Variants in PSMD12 observed in about 807,000 individuals in gnomAD.
The protein encoded by PSMD12 is 26S proteasome non-ATPase regulatory subunit 12.
PSMD12 carries 8 observed loss-of-function variants against 62.9 expected under a neutral mutation model. That is an observed-to-expected ratio of 0.13 (90% confidence interval 0.07 to 0.23). The LOEUF (loss-of-function observed/expected upper bound fraction) is 0.23. Ranked by LOEUF, PSMD12 falls within the 10% of genes least tolerant of loss-of-function variation. The pLI, the probability that PSMD12 is intolerant of heterozygous loss-of-function variation, is 1.00. For synonymous variants in PSMD12, 173 were observed against 187.4 expected, an observed-to-expected ratio of 0.92 and a Z score of 0.63; for missense variants, 424 against 550.2, an observed-to-expected ratio of 0.77 and a Z score of 2.29.
chr17:67,347,313 C>A, intron 6 of PSMD12, 23 bp downstream of exon 6: 1 of 1,611,834 alleles, frequency 6.2e-7, no homozygotes, highest in Non-Finnish European at 8.5e-7. Context: ...TTAAAGTAAA[C>A]ATGTGGTCAC....
intron 3 of PSMD12, among the ~76,000 whole-genome samples, chr17:67,351,540 AATGT>A (rs2042017989): frequency 6.6e-6 from 1 of 151,968 alleles, no homozygotes; most frequent in Non-Finnish European, 1.5e-5. Context: ...AAAAACATTT[AATGT>A]TTAAGCAGCT....
At chr17:67,354,967 G>C (rs905274931) in intron 3 of PSMD12, among the ~76,000 whole-genome samples, 1 of 152,110 alleles carries the variant, frequency 6.6e-6, no homozygotes, top group Non-Finnish European at 1.5e-5. Flanking sequence ...TCCAGCCTGG[G>C]GGACAGAGCA....
chr17:67,345,064 C>T (rs1216243795), intron 8 of PSMD12, among the ~76,000 whole-genome samples: 2 of 152,072 alleles, frequency 1.3e-5, no homozygotes, highest in Non-Finnish European at 2.9e-5. Context: ...GAAATAAGAG[C>T]CTGTTGTGTT....
intron 8 of PSMD12, among the ~76,000 whole-genome samples, chr17:67,345,146 A>C (rs1398202677): frequency 6.6e-6 from 1 of 152,236 alleles, no homozygotes; most frequent in Non-Finnish European, 1.5e-5. Context: ...CAAAGCTCTA[A>C]ACTACTAATG....
chr17:67,354,645 T>C (rs1655815271), intron 3 of PSMD12, among the ~76,000 whole-genome samples: 1 of 152,154 alleles, frequency 6.6e-6, no homozygotes, highest in South Asian at 2.1e-4. Context: ...CGATGGTTTG[T>C]CTAATAATTG....
intron 1 of PSMD12, among the ~76,000 whole-genome samples, chr17:67,358,990 AG>A (rs2042104969): frequency 6.6e-6 from 1 of 152,246 alleles, no homozygotes; most frequent in African/African-American, 2.4e-5. Context: ...ATAATACACC[AG>A]GAGTAAAACA....
Position 67,339,250 on chromosome 17 carries a change from G to A in PSMD12, c.*1593C>T, listed in dbSNP as rs933528451. On this transcript the variant is annotated 3_prime_UTR_variant, in exon 11 of 11. Coordinates refer to ENST00000356126, the MANE Select transcript of PSMD12 (RefSeq NM_002816.5). Reference sequence around the variant, plus strand: ...AGCCTCCCAAGTAACTGGGACTACAGGCACACGCCACCACGCCCGGCAAAT... The same window carrying A: ...AGCCTCCCAAGTAACTGGGACTACAAGCACACGCCACCACGCCCGGCAAAT... 5.3e-5 allele frequency: 8 copies of A among 151,776 alleles called. No individual in the cohort carries two copies. Among genetic ancestry groups the A allele is most frequent in the African/African-American group, 1.2e-4 (5 of 41,268 alleles). The allele number at this position is 151,776 out of a possible 1,614,324, so 9.4% of individuals were successfully genotyped here. A position where few individuals can be genotyped will look rare whatever the true frequency, so the allele number is the denominator to read the frequency against.
chr17:67,366,075 G>A (rs1458606344), intron 1 of PSMD12, among the ~76,000 whole-genome samples: 1 of 152,186 alleles, frequency 6.6e-6, no homozygotes, highest in Admixed American at 6.5e-5. Context: ...CTCTGATCTA[G>A]CCTTAATACT....
In PSMD12 at chr17:67,352,411, A is replaced by G. The variant is rs374515627; in HGVS notation, c.298-2075T>C. ...CTATTTAGAGACCCAGGCATTCTGG[A>G]AAGCTATGGTTTTATTGTAAACTAT... is the stretch of plus-strand genomic sequence containing the variant. On this transcript the variant is annotated intron_variant, in intron 3 of 10. Transcript: ENST00000356126. 5.9e-5 allele frequency among the ~76,000 whole-genome samples: 9 copies of G among 152,332 alleles called. No individual in the cohort carries two copies. In the East Asian group the frequency reaches 1.7e-3, roughly 29 times the overall value.
intron 10 of PSMD12, among the ~76,000 whole-genome samples, chr17:67,341,763 C>G (rs1031217837): frequency 2.0e-5 from 3 of 152,148 alleles, no homozygotes; most frequent in African/African-American, 7.2e-5. Flanking sequence ...GTACCACGGA[C>G]AAGACACTTG....
At chr17:67,360,519 A>C (rs775723974) in intron 1 of PSMD12, among the ~76,000 whole-genome samples, 3 of 152,188 alleles carry the variant, frequency 2.0e-5, no homozygotes, top group African/African-American at 2.4e-5. Flanking sequence ...CTGTCTTTCC[A>C]ATCTCAGTAG....
intron 10 of PSMD12, 136 bp downstream of exon 10, chr17:67,342,050 C>G (rs1455887979): frequency 3.0e-6 from 2 of 677,562 alleles, no homozygotes; most frequent in Non-Finnish European, 5.0e-6. Context: ...TTTTGGTACT[C>G]AAGATTGCTT....
chr17:67,364,513 A>G (rs551710253), intron 1 of PSMD12, among the ~76,000 whole-genome samples: 1 of 152,366 alleles, frequency 6.6e-6, no homozygotes, highest in African/African-American at 2.4e-5. Context: ...AGTGTCTAAC[A>G]CTGACTAGGT....
At chr17:67,348,394 A>T (rs1372815367) in intron 5 of PSMD12, among the ~76,000 whole-genome samples, 156 bp downstream of exon 5, 2 of 152,240 alleles carry the variant, frequency 1.3e-5, no homozygotes, top group East Asian at 3.8e-4. Context: ...GACAATTTTC[A>T]GTATGAAAAA....
chr17:67,350,274 G>C lies in PSMD12; in HGVS notation c.360C>G (p.Ile120Met), dbSNP rs376420879. 2 of 1,613,250 alleles carry C rather than the reference G, an allele frequency of 1.2e-6. No homozygotes were observed. Among genetic ancestry groups the C allele is most frequent in the Non-Finnish European group, 1.7e-6 (2 of 1,179,678 alleles). ...TYVEEITDLP[I>M]KLRLIDTLRM... ...GTAGAGTATCAATTAATCGAAGTTTGATAGGAAGGTCTGTGATTTCCTCAA... is the reference window on the plus strand; with the variant it reads ...GTAGAGTATCAATTAATCGAAGTTTCATAGGAAGGTCTGTGATTTCCTCAA... Residue 120 changes from isoleucine (I) to methionine (M), a missense_variant, in exon 4 of 11, where the codon ATC becomes ATG. Transcript: ENST00000356126.
At chr17:67,351,473 T>C (rs1417808622) in intron 3 of PSMD12, among the ~76,000 whole-genome samples, 1 of 150,852 alleles carries the variant, frequency 6.6e-6, no homozygotes, top group Admixed American at 6.6e-5. Flanking sequence ...TTACATTAAG[T>C]ATATTTTGGT....
chr17:67,354,843 A>G (rs1345976192), intron 3 of PSMD12, among the ~76,000 whole-genome samples: 2 of 151,720 alleles, frequency 1.3e-5, no homozygotes, highest in African/African-American at 2.4e-5. Flanking sequence ...TACAAAAATT[A>G]GCTGGGTGTG....
rs1445520740 is a variant in PSMD12, at chr17:67,339,448, T to TAA, written c.*1394_*1395insTT. The TAA allele has an allele frequency of 6.6e-6, 1 of 152,234 alleles. No individual in the cohort carries two copies. The highest frequency in any genetic ancestry group is 1.5e-5 in the Non-Finnish European group (1 of 68,048). 9.4% of individuals were successfully genotyped at this position (152,234 alleles called of 1,614,324 possible). On this transcript the variant is annotated 3_prime_UTR_variant, in exon 11 of 11. Transcript: ENST00000356126. ...AAGTGATAGCAGATGTTGATGTTAT[T>TAA]AGTGTGACCAATGCATTGAATTTCC...
intron 1 of PSMD12, among the ~76,000 whole-genome samples, chr17:67,363,957 G>C (rs762289657): frequency 1.1e-4 from 16 of 152,124 alleles, no homozygotes; most frequent in South Asian, 1.0e-3. Flanking sequence ...GCTGAGGCAC[G>C]AGAATCGCTT....
Sources: gnomAD v4.1 joint callset for allele counts (sites outside exome capture counted in the v4.1 genomes callset) on GRCh38, gnomAD v4.1.1 for gene constraint, MANE v1.5 for transcripts, NCBI Gene and HGNC (gene_info 2026-07-23, HGNC 2026-07-21) for gene names.